FIBCD1: variants seen among roughly 807,000 people sequenced by gnomAD.
The protein encoded by FIBCD1 is fibrinogen C domain-containing protein 1.
FIBCD1 carries 47 observed loss-of-function variants against 45.1 expected under a neutral mutation model. That is an observed-to-expected ratio of 1.04 (90% CI 0.82 to 1.33). The LOEUF is 1.33. FIBCD1 is among the 40% of genes most tolerant of loss of function. FIBCD1 has a pLI of 0.00. For synonymous variants in FIBCD1, 313 were observed against 308.1 expected (o/e 1.02, Z -0.17); for missense variants, 653 against 682.2 (o/e 0.96, Z 0.48).
At position 130,926,486 on chromosome 9, in the gene FIBCD1, C is replaced by T. The variant is rs1033552817; in HGVS notation, c.553-2090G>A. Among the ~76,000 whole-genome samples, 2 of 152,318 alleles carry T rather than the reference C, an allele frequency of 1.3e-5. No individual in the cohort carries two copies. The highest frequency in any genetic ancestry group is 1.9e-4 in the East Asian group (1 of 5,184). ...TTAGCTGTGTGAGTGAGCTTGCACACGCACCTGTCACTCAGAGCCTCAGTC... is the reference window on the plus strand; with the variant it reads ...TTAGCTGTGTGAGTGAGCTTGCACATGCACCTGTCACTCAGAGCCTCAGTC... On this transcript the variant is annotated intron_variant, in intron 2 of 6. Transcript: ENST00000372338. This position sits in a 1 kb window ranked among gnomAD's most constrained non-coding sequence, Gnocchi z 4.1.
At position 130,903,812 on chromosome 9, in the gene FIBCD1, G is replaced by A. The variant is rs939691522; in HGVS notation, c.*252C>T. The A allele has an allele frequency of 1.7e-5, 10 of 589,464 alleles. No homozygotes were observed. Among genetic ancestry groups the A allele is most frequent in the Admixed American group, 1.1e-4 (4 of 35,782 alleles). The allele number at this position is 589,464 out of a possible 1,614,324, so 36.5% of individuals were successfully genotyped here. On this transcript the variant is annotated 3_prime_UTR_variant, in exon 7 of 7. Coordinates refer to ENST00000372338, the MANE Select transcript of FIBCD1 (RefSeq NM_032843.5). ...GTGGGGGCAGGCAGGAGTTGGGGTC[G>A]TCAAGTTTGCCAGCCCCCATCAGCA...
chr9:130,911,962 G>A (rs947570804), intron 4 of FIBCD1, 74 bp from the exon 5 acceptor site: 15 of 1,342,590 alleles, frequency 1.1e-5, no homozygotes, highest in South Asian at 5.1e-5. Flanking sequence ...GGCCCACCCC[G>A]CCCAGAGACT....
chr9:130,913,747 C>T (rs1193104462), intron 4 of FIBCD1, among the ~76,000 whole-genome samples: 5 of 152,214 alleles, frequency 3.3e-5, no homozygotes, highest in Non-Finnish European at 7.3e-5. Flanking sequence ...CTAGCAGAAG[C>T]TCAGGCACTC....
At chr9:130,911,696 A>G in intron 5 of FIBCD1, 96 bp downstream of exon 5, 2 of 1,145,288 alleles carry the variant, frequency 1.7e-6, no homozygotes, top group Non-Finnish European at 1.3e-6. Flanking sequence ...AGGGAAACCC[A>G]GCCCAAACCC....
chr9:130,918,258 G>C (rs144046126), intron 4 of FIBCD1, among the ~76,000 whole-genome samples: 162 of 152,344 alleles, frequency 1.1e-3, no homozygotes, highest in African/African-American at 3.7e-3. Flanking sequence ...CCCTCTGCTG[G>C]GGCAGTTGGA....
At chr9:130,911,766 G>A (rs1309755805) in intron 5 of FIBCD1, 26 bp downstream of exon 5, 2 of 1,576,750 alleles carry the variant, frequency 1.3e-6, no homozygotes, top group South Asian at 1.2e-5. Context: ...GGCCCACCTG[G>A]GCCGGATGGT....
chr9:130,919,464 G>A (rs926279802), intron 4 of FIBCD1, among the ~76,000 whole-genome samples: 5 of 152,196 alleles, frequency 3.3e-5, no homozygotes, highest in African/African-American at 4.8e-5. Flanking sequence ...GTTGGACCCC[G>A]AGGTCCTGCT....
At chr9:130,921,818 T>C (rs1227895547) in intron 4 of FIBCD1, among the ~76,000 whole-genome samples, 2 of 152,254 alleles carry the variant, frequency 1.3e-5, no homozygotes, top group Non-Finnish European at 2.9e-5. Flanking sequence ...AAAGAGCTTT[T>C]ATCCCCCAGA....
At chr9:130,907,922 AAAGAAAAACAG>A in intron 5 of FIBCD1, among the ~76,000 whole-genome samples, 1 of 151,344 alleles carries the variant, frequency 6.6e-6, no homozygotes, top group Admixed American at 6.6e-5. Context: ...AAAAGAAAGA[AAAGAAAAACAG>A]AAGAAAAAAT....
At chr9:130,925,861 C>A (rs1832349889) in intron 2 of FIBCD1, among the ~76,000 whole-genome samples, 1 of 152,214 alleles carries the variant, frequency 6.6e-6, no homozygotes, top group Admixed American at 6.5e-5. Flanking sequence ...CAGATAATAG[C>A]CCATTCGTGG....
In FIBCD1 at chr9:130,930,043, G is replaced by A; in HGVS notation, c.76C>T (p.Pro26Ser). The change falls in exon 2 of 7, where the codon CCG (proline) becomes TCG (serine). Residue 26 changes from proline to serine, a missense_variant. Transcript: ENST00000372338. Reference sequence around the variant, plus strand: ...GTGCACAGCACGTAGCCGCAGCTCGGCCGCTGCAGGCCCGCCCGGGACGCA... The same window carrying A: ...GTGCACAGCACGTAGCCGCAGCTCGACCGCTGCAGGCCCGCCCGGGACGCA... ...EDRPRDKPQR[P>S]SCGYVLCTVL... The A allele has an allele frequency of 6.7e-7, 1 of 1,498,938 alleles. No homozygotes were observed. The highest frequency in any genetic ancestry group is 8.9e-7 in the Non-Finnish European group (1 of 1,127,574). The allele number at this position is 1,498,938 out of a possible 1,614,324, so 92.9% of individuals were successfully genotyped here.
intron 4 of FIBCD1, among the ~76,000 whole-genome samples, chr9:130,918,437 C>T (rs1190212799): frequency 6.6e-6 from 1 of 152,158 alleles, no homozygotes; most frequent in Non-Finnish European, 1.5e-5. Context: ...AGAACGGCCC[C>T]CTGGAAGCAG....
chr9:130,930,833 T>C, intron 1 of FIBCD1: 1 of 456,100 alleles, frequency 2.2e-6, no homozygotes, highest in Non-Finnish European at 4.4e-6. Flanking sequence ...CCCACCTCTC[T>C]ATACACTGGT....
At chr9:130,938,319 G>A (rs1832552241) in intron 1 of FIBCD1, 3 of 428,334 alleles carry the variant, frequency 7.0e-6, no homozygotes, top group Non-Finnish European at 1.2e-5. Flanking sequence ...CCCGCAGCGC[G>A]CGTGGCTCCT....
intron 4 of FIBCD1, among the ~76,000 whole-genome samples, chr9:130,915,389 G>A (rs574288048): frequency 1.1e-4 from 16 of 152,282 alleles, no homozygotes; most frequent in African/African-American, 2.6e-4. Context: ...CAGGTAGCCC[G>A]AATCAACGCC....
chr9:130,936,875 T>C (rs1832527294), intron 1 of FIBCD1, among the ~76,000 whole-genome samples: 1 of 151,916 alleles, frequency 6.6e-6, no homozygotes, highest in Non-Finnish European at 1.5e-5. Flanking sequence ...TACTAGAACT[T>C]AGAGACATAG....
At chr9:130,910,409 C>T (rs1832015470) in intron 5 of FIBCD1, among the ~76,000 whole-genome samples, 2 of 152,230 alleles carry the variant, frequency 1.3e-5, no homozygotes. Context: ...CTCCCACCCC[C>T]TCCGTGGGCT....
At chr9:130,911,177 G>T (rs571870990) in intron 5 of FIBCD1, among the ~76,000 whole-genome samples, 2 of 152,306 alleles carry the variant, frequency 1.3e-5, no homozygotes, top group African/African-American at 4.8e-5. Flanking sequence ...AAGGTCTGCA[G>T]TTTCACTCCT....
chr9:130,929,555 C>T lies in FIBCD1; in HGVS notation c.552+12G>A, dbSNP rs1251868008. 2.0e-6 allele frequency: 3 copies of T among 1,500,168 alleles called. No homozygotes were observed. Among genetic ancestry groups the T allele is most frequent in the Admixed American group, 2.4e-5 (1 of 42,550 alleles). 92.9% of individuals were successfully genotyped at this position (1,500,168 alleles called of 1,614,324 possible). On this transcript the variant is annotated intron_variant, in intron 2 of 6. Transcript: ENST00000372338. ...CTCCAGCAAGACCCCAAGATGCAGA[C>T]CCCAGCCCTACCTGGATGAGGCGGC...
Sources: gnomAD v4.1 joint callset for allele counts (sites outside exome capture counted in the v4.1 genomes callset) on GRCh38, gnomAD v4.1.1 for gene constraint, Gnocchi (gnomAD v3.1) non-coding constraint, MANE v1.5 for transcripts, NCBI Gene and HGNC (gene_info 2026-07-23, HGNC 2026-07-21) for gene names.